TSC22D3: variants seen among roughly 807,000 people sequenced by gnomAD.
TSC22D3 encodes TSC22 domain family protein 3.
A neutral mutation model predicts 11.1 loss-of-function variants in TSC22D3; 4 were observed. That is an observed-to-expected ratio of 0.36 (90% confidence interval 0.18 to 0.83). TSC22D3 has a LOEUF of 0.83. Among genes scored for constraint, TSC22D3 ranks in the 40% least tolerant of loss-of-function variants. TSC22D3 has a pLI of 0.48. For missense variants in TSC22D3, 118 were observed against 159.4 expected (o/e 0.74, Z 1.40); for synonymous variants, 77 against 70.3 (o/e 1.10, Z -0.48).
chrX:107,754,549 C>G (rs1185186050), intron 1 of TSC22D3, among the ~76,000 whole-genome samples: 1 of 111,752 alleles, frequency 8.9e-6, no homozygotes, highest in Non-Finnish European at 1.9e-5. Context: ...TACCCAGATA[C>G]AAGAATGGGG....
At chrX:107,721,071 A>G (rs1927303801) in intron 1 of TSC22D3, among the ~76,000 whole-genome samples, 1 of 111,993 alleles carries the variant, frequency 8.9e-6, no homozygotes, top group Non-Finnish European at 1.9e-5. Flanking sequence ...CCCAGAGCCA[A>G]CACGGCAACA....
intron 1 of TSC22D3, among the ~76,000 whole-genome samples, chrX:107,765,213 G>A (rs1471973973): frequency 3.6e-5 from 4 of 111,819 alleles, no homozygotes; most frequent in South Asian, 3.7e-4. Flanking sequence ...TGCTGGAAGC[G>A]GCCGCCATAA....
intron 1 of TSC22D3, among the ~76,000 whole-genome samples, chrX:107,765,728 C>T (rs1418904689): frequency 8.9e-6 from 1 of 111,871 alleles, no homozygotes; most frequent in African/African-American, 3.3e-5. Flanking sequence ...TTTACTGCTA[C>T]AGCCTATGAA....
chrX:107,774,503 C>A (rs1930045702), intron 1 of TSC22D3, among the ~76,000 whole-genome samples: 1 of 111,607 alleles, frequency 9.0e-6, no homozygotes, highest in African/African-American at 3.3e-5. Context: ...TGAAATTTAA[C>A]GCTGTGATCC....
At chrX:107,716,635 C>G in intron 1 of TSC22D3, 1 of 1,166,051 alleles carries the variant, frequency 8.6e-7, no homozygotes, top group Non-Finnish European at 1.1e-6. Context: ...GCTCCTAGCC[C>G]AGCTCCGGCC....
chrX:107,730,685 A>G (rs1474074715), intron 1 of TSC22D3, among the ~76,000 whole-genome samples: 2 of 112,337 alleles, frequency 1.8e-5, no homozygotes, highest in Non-Finnish European at 3.8e-5. Flanking sequence ...AGACCAGTAT[A>G]ATCCAGTATA....
chrX:107,759,887 G>A lies in TSC22D3; in HGVS notation c.320+15213C>T, dbSNP rs1330862885. Among the ~76,000 whole-genome samples the A allele has an allele frequency of 5.3e-5, 6 of 112,591 alleles. 1 individual carries two copies. The highest frequency in any genetic ancestry group is 1.9e-4 in the African/African-American group (6 of 31,063). On this transcript the variant is annotated intron_variant, in intron 1 of 2. Coordinates refer to ENST00000372383, the MANE Select transcript of TSC22D3 (RefSeq NM_198057.3). ...TCAAGGAGCCTCAGGGCCAGCCTGG[G>A]CTGGCTCGGCTGTGGGGGCGGGAGG...
At chrX:107,730,238 C>G (rs1927821613) in intron 1 of TSC22D3, among the ~76,000 whole-genome samples, 2 of 111,964 alleles carry the variant, frequency 1.8e-5, no homozygotes, top group Non-Finnish European at 3.8e-5. Context: ...AAGCAAATGG[C>G]AGAGATCAGA....
chrX:107,747,675 G>A (rs1274243543), intron 1 of TSC22D3, among the ~76,000 whole-genome samples: 2 of 113,157 alleles, frequency 1.8e-5, no homozygotes, highest in Non-Finnish European at 3.7e-5. Flanking sequence ...CACTGTCCCA[G>A]ACACTCGGCT....
intron 1 of TSC22D3, among the ~76,000 whole-genome samples, chrX:107,720,333 G>GA (rs1346276024): frequency 8.9e-6 from 1 of 111,853 alleles, no homozygotes; most frequent in African/African-American, 3.3e-5. Flanking sequence ...CATTAGGAAA[G>GA]AATGAATGGA....
At chrX:107,756,491 C>G (rs988409252) in intron 1 of TSC22D3, among the ~76,000 whole-genome samples, 2 of 112,692 alleles carry the variant, frequency 1.8e-5, no homozygotes, top group African/African-American at 6.5e-5. Flanking sequence ...AAACAGTGCT[C>G]TCTGTATAGT....
chrX:107,717,510 C>T (rs1307634061), intron 1 of TSC22D3, among the ~76,000 whole-genome samples: 1 of 111,875 alleles, frequency 8.9e-6, no homozygotes, highest in African/African-American at 3.3e-5. Context: ...CATACTTTGT[C>T]ACCTGCACAT....
intron 1 of TSC22D3, among the ~76,000 whole-genome samples, chrX:107,763,310 G>A (rs1007694811): frequency 1.8e-5 from 2 of 111,427 alleles, no homozygotes; most frequent in Non-Finnish European, 3.8e-5. Context: ...GGCTAAACAA[G>A]TCCTGTTGGC....
At chrX:107,735,602 C>CT (rs1449195454) in intron 1 of TSC22D3, among the ~76,000 whole-genome samples, 3 of 110,830 alleles carry the variant, frequency 2.7e-5, no homozygotes, top group Non-Finnish European at 5.7e-5. Flanking sequence ...CGGCTCCTCA[C>CT]TGGCATGCCC....
chrX:107,751,356 G>A (rs1423691657), intron 1 of TSC22D3, among the ~76,000 whole-genome samples: 2 of 111,727 alleles, frequency 1.8e-5, no homozygotes, highest in Non-Finnish European at 3.8e-5. Context: ...TACAGACACC[G>A]GGAAGGAGGT....
chrX:107,716,291 C>T, intron 1 of TSC22D3: 13 of 933,036 alleles, frequency 1.4e-5, no homozygotes, highest in Non-Finnish European at 1.3e-5. Context: ...CACAGCCGGC[C>T]TACAAGGTCC....
intron 1 of TSC22D3, among the ~76,000 whole-genome samples, chrX:107,725,260 A>T (rs1381706157): frequency 1.8e-5 from 2 of 112,857 alleles, no homozygotes; most frequent in Non-Finnish European, 3.7e-5. Context: ...CAGAGTAGTC[A>T]GTGGCCAATC....
Position 107,763,870 on chromosome X carries a change from C to T in TSC22D3, c.320+11230G>A, listed in dbSNP as rs142715951. On this transcript the variant is annotated intron_variant, in intron 1 of 2. Transcript: ENST00000372383. ...CTAGTTACCCCATGAGCTTCAAACTCATCTCTTCCTCTTGTCAGAAAACTG... is the reference window on the plus strand; with the variant it reads ...CTAGTTACCCCATGAGCTTCAAACTTATCTCTTCCTCTTGTCAGAAAACTG... Among the ~76,000 whole-genome samples, 40 of 112,448 alleles carry T rather than the reference C, an allele frequency of 3.6e-4. No homozygotes were observed. In the East Asian group the frequency reaches 9.2e-3, roughly 26 times the overall value.
chrX:107,769,100 A>G (rs776219801), intron 1 of TSC22D3, among the ~76,000 whole-genome samples: 6 of 112,705 alleles, frequency 5.3e-5, no homozygotes, highest in African/African-American at 1.9e-4. Flanking sequence ...AGTAGACCAC[A>G]AAATTGTGTT....
Sources: allele counts gnomAD v4.1 joint callset (sites outside exome capture counted in the v4.1 genomes callset), GRCh38; gene constraint gnomAD v4.1.1; transcripts MANE v1.5; gene names NCBI Gene and HGNC (gene_info 2026-07-23, HGNC 2026-07-21).